The following PKHD1 variants were observed in gnomAD, a reference collection of about 807,000 sequenced individuals.
PKHD1 encodes fibrocystin.
In PKHD1, 291 loss-of-function variants were observed where a neutral mutation model predicts 412.0. The ratio of observed to expected loss-of-function variants is 0.71; its 90% confidence interval spans 0.64 to 0.78. The LOEUF is 0.78. Ranked by LOEUF, PKHD1 falls within the 30% of genes least tolerant of loss-of-function variation. The pLI is 0.00. For missense variants in PKHD1, 4,825 were observed against 4,950.7 expected, an observed-to-expected ratio of 0.97 and a Z score of 0.76; for synonymous variants, 1,777 against 1,821.5, an observed-to-expected ratio of 0.98 and a Z score of 0.62.
rs780403418 is a variant in PKHD1, at chr6:52,046,106, A to T, written c.2490T>A (p.Asn830Lys). 14 of 1,613,450 alleles carry T rather than the reference A, an allele frequency of 8.7e-6. No individual in the cohort carries two copies. In the East Asian group the frequency reaches 2.5e-4, roughly 28 times the overall value. The change falls in exon 24 of 67, where the codon AAT becomes AAA. Residue 830 changes from asparagine to lysine, a missense_variant. Coordinates refer to ENST00000371117, the MANE Select transcript of PKHD1 (RefSeq NM_138694.4). ...NADDFTSRYL[N>K]ASDFTVKEDL... ...CCTCCTTCACAGTGAAGTCACTGGC[A>T]TTGAGGTACCTGGATGTGAAGTCAT...
intron 60 of PKHD1, among the ~76,000 whole-genome samples, chr6:51,687,780 T>G (rs1206296069): frequency 6.6e-6 from 1 of 152,232 alleles, no homozygotes; most frequent in Non-Finnish European, 1.5e-5. Flanking sequence ...TTGGTGTTGG[T>G]AATAAAACTA....
chr6:51,658,834 A>C lies in PKHD1; in HGVS notation c.11174+118T>G, dbSNP rs1395891061. ...AATGACTCTTTGAATTTTTATTCTT[A>C]TCTTAAAAAGCAGATGAGTTATATG... On this transcript the variant is annotated intron_variant, in intron 61 of 66. Coordinates refer to ENST00000371117, the MANE Select transcript of PKHD1 (RefSeq NM_138694.4). 6.9e-6 allele frequency: 5 copies of C among 725,848 alleles called. No individual in the cohort carries two copies. In the Admixed American group the frequency reaches 8.6e-5, roughly 13 times the overall value. The allele number at this position is 725,848 out of a possible 1,614,324, so 45.0% of individuals were successfully genotyped here. A position where few individuals can be genotyped will look rare whatever the true frequency, so the allele number is the denominator to read the frequency against.
rs542429610 is a variant in PKHD1, at chr6:51,841,867, T to C, written c.8108-5398A>G. On this transcript the variant is annotated intron_variant, in intron 50 of 66. Transcript: ENST00000371117. The stretch of plus-strand genomic sequence containing the variant: ...AGCAGCCTGCTTGGCTCCAGGGCCC[T>C]TGTTGCATTGAGGAAAGGAAACCTG... Among the ~76,000 whole-genome samples, 5 of 152,318 alleles carry C rather than the reference T, an allele frequency of 3.3e-5. 1 individual carries two copies. The Middle Eastern group carries it at 0.01, about 311-fold the overall frequency.
At chr6:51,840,177 C>T (rs1314099124) in intron 50 of PKHD1, among the ~76,000 whole-genome samples, 1 of 152,146 alleles carries the variant, frequency 6.6e-6, no homozygotes, top group Non-Finnish European at 1.5e-5. Context: ...TTTGGCTTAG[C>T]CACAGAGAAG....
chr6:51,723,655 C>T (rs531956209), intron 60 of PKHD1, among the ~76,000 whole-genome samples: 5 of 152,118 alleles, frequency 3.3e-5, no homozygotes, highest in Non-Finnish European at 7.4e-5. Context: ...TTATTTTGGA[C>T]TAGTTATGTG....
intron 35 of PKHD1, among the ~76,000 whole-genome samples, chr6:51,976,563 G>T (rs190647640): frequency 1.3e-5 from 2 of 152,194 alleles, no homozygotes; most frequent in South Asian, 4.1e-4. Context: ...ACGGATGCTC[G>T]TGACGGTTAC....
At chr6:51,918,571 C>T (rs1554137011) in intron 37 of PKHD1, among the ~76,000 whole-genome samples, 2 of 152,190 alleles carry the variant, frequency 1.3e-5, no homozygotes, top group Non-Finnish European at 2.9e-5. Flanking sequence ...AGATGTGCCG[C>T]ATTTTCTTTA....
chr6:51,982,797 A>G (rs1795650268), intron 35 of PKHD1, among the ~76,000 whole-genome samples: 1 of 134,652 alleles, frequency 7.4e-6, no homozygotes, highest in Non-Finnish European at 1.7e-5. Flanking sequence ...AACACCCAAG[A>G]ATGATCAATA....
At position 52,048,548 on chromosome 6, in the gene PKHD1, G is replaced by T. The variant is rs769760639; in HGVS notation, c.2351C>A (p.Thr784Lys). ...AAAGTGTCCTCCTAGAGGTGGACTT[G>T]TCCGCTGTCGTCTCTGTGTCGTCAC... is the stretch of plus-strand genomic sequence containing the variant. Reference protein sequence around the residue: ...VLVTTQRRQRTSPPLGGHFRI... With the variant: ...VLVTTQRRQRKSPPLGGHFRI... Residue 784 changes from threonine (T) to lysine (K), a missense_variant, in exon 23 of 67, where the codon ACA (threonine) becomes AAA (lysine). Thr to Lys is a moderately conservative substitution (Grantham distance 78). Coordinates refer to ENST00000371117, the MANE Select transcript of PKHD1 (RefSeq NM_138694.4). The T allele has an allele frequency of 1.9e-6, 3 of 1,614,004 alleles. No individual in the cohort carries two copies. The highest frequency in any genetic ancestry group is 2.5e-6 in the Non-Finnish European group (3 of 1,179,840).
At chr6:52,028,791 G>A (rs558796171) in intron 29 of PKHD1, among the ~76,000 whole-genome samples, 1 of 152,056 alleles carries the variant, frequency 6.6e-6, no homozygotes, top group Non-Finnish European at 1.5e-5. Context: ...GGATTACAGG[G>A]GTAAGCCACC....
intron 35 of PKHD1, among the ~76,000 whole-genome samples, chr6:51,978,795 G>A (rs1458222491): frequency 6.6e-6 from 1 of 152,004 alleles, no homozygotes; most frequent in Non-Finnish European, 1.5e-5. Flanking sequence ...CACCTCCTGT[G>A]GCTTCTATTA....
intron 60 of PKHD1, chr6:51,741,194 C>A (rs1305677729): frequency 1.9e-6 from 1 of 518,850 alleles, no homozygotes. Flanking sequence ...AAGCAACCAC[C>A]TAAAATGAAC....
At chr6:51,844,396 T>C (rs114645020) in intron 50 of PKHD1, among the ~76,000 whole-genome samples, 1,747 of 152,264 alleles carry the variant, frequency 0.011, 39 homozygotes, top group African/African-American at 0.04. Flanking sequence ...AAAAGAAAAA[T>C]GCAAGGGTCA....
At chr6:51,867,822 T>C in intron 48 of PKHD1, 41 bp downstream of exon 48, 1 of 1,584,882 alleles carries the variant, frequency 6.3e-7, no homozygotes, top group Admixed American at 1.7e-5. Flanking sequence ...AACAGATGCA[T>C]GCCCATCGGC....
At chr6:51,708,221 CCCT>C (rs1232589715) in intron 60 of PKHD1, among the ~76,000 whole-genome samples, 1 of 152,172 alleles carries the variant, frequency 6.6e-6, no homozygotes, top group East Asian at 1.9e-4. Flanking sequence ...AGTCATCCCT[CCCT>C]CCTCCTCTCT....
At chr6:51,979,964 C>G (rs1794932601) in intron 35 of PKHD1, among the ~76,000 whole-genome samples, 1 of 152,154 alleles carries the variant, frequency 6.6e-6, no homozygotes, top group South Asian at 2.1e-4. Context: ...GCTCAGTGCC[C>G]ACTGCTTTTG....
intron 52 of PKHD1, among the ~76,000 whole-genome samples, chr6:51,826,872 T>G (rs561626123): frequency 1.8e-4 from 27 of 152,256 alleles, no homozygotes; most frequent in African/African-American, 6.5e-4. Flanking sequence ...TTTTATGGAA[T>G]AGGATGGGTC....
Position 51,659,191 on chromosome 6 carries a change from G to A in PKHD1, c.10935C>T (p.Asn3645=). 1 of 1,613,780 alleles carries A rather than the reference G, an allele frequency of 6.2e-7. No homozygotes were observed. The highest frequency in any genetic ancestry group is 8.5e-7 in the Non-Finnish European group (1 of 1,179,826). The change falls in exon 61 of 67, where the codon AAC becomes AAT. Residue 3645 remains asparagine, a synonymous_variant. Coordinates refer to ENST00000371117, the MANE Select transcript of PKHD1 (RefSeq NM_138694.4). The stretch of plus-strand genomic sequence containing the variant: ...TCATTGGGGGTGAAGCCCTATGTGA[G>A]TTCATTTCCATCATGAGAGGCCTAC... ...GQRRPLMMEM[N]SHRASPPMTV...
intron 48 of PKHD1, among the ~76,000 whole-genome samples, chr6:51,867,426 C>T (rs1306853837): frequency 1.3e-5 from 2 of 152,008 alleles, no homozygotes; most frequent in East Asian, 1.9e-4. Context: ...AGCAACCTTG[C>T]AAGTAATAGG....
Sources: allele counts gnomAD v4.1 joint callset (sites outside exome capture counted in the v4.1 genomes callset), GRCh38; gene constraint gnomAD v4.1.1; transcripts MANE v1.5; gene names NCBI Gene and HGNC (gene_info 2026-07-23, HGNC 2026-07-21).